The following RBL2 variants were observed in gnomAD, a reference collection of about 807,000 sequenced individuals.
RBL2 encodes the protein RB transcriptional corepressor like 2.
RBL2 carries 56 observed loss-of-function variants against 126.0 expected under a neutral mutation model. That is an observed-to-expected ratio of 0.44 (90% CI 0.36 to 0.56). The LOEUF (loss-of-function observed/expected upper bound fraction) is 0.56, where lower values mean the gene tolerates loss of function less well. Among genes scored for constraint, RBL2 ranks in the 20% least tolerant of loss-of-function variants. The pLI, the probability that RBL2 is intolerant of heterozygous loss-of-function variation, is 0.00. For missense variants in RBL2, 1,229 were observed against 1,398.2 expected (o/e 0.88, Z 1.93); for synonymous variants, 454 against 478.5 (o/e 0.95, Z 0.67).
chr16:53,479,247 G>C, intron 18 of RBL2, 22 bp downstream of exon 18: 2 of 1,594,006 alleles, frequency 1.3e-6, no homozygotes, highest in South Asian at 2.2e-5. Flanking sequence ...TTCTCTATGG[G>C]CTGAAAAATA....
chr16:53,460,222 T>C (rs920807306), intron 9 of RBL2, among the ~76,000 whole-genome samples: 1 of 152,210 alleles, frequency 6.6e-6, no homozygotes, highest in East Asian at 1.9e-4. Flanking sequence ...TTTGGCAAGT[T>C]GATTTGAAAA....
chr16:53,434,472 G>A lies in RBL2; in HGVS notation c.-85G>A, dbSNP rs2057932918. The A allele has an allele frequency of 7.7e-7, 1 of 1,291,052 alleles. No individual in the cohort carries two copies. The highest frequency in any genetic ancestry group is 9.9e-7 in the Non-Finnish European group (1 of 1,013,396). 80.0% of individuals were successfully genotyped at this position (1,291,052 alleles called of 1,614,324 possible). A position where few individuals can be genotyped will look rare whatever the true frequency, so the allele number is the denominator to read the frequency against. Reference sequence around the variant, plus strand: ...CGGCGGCGCAGGCGCGGTGCGGGCGGCGGACGGGCGGGCGCTTCGCCGTTT... The same window carrying A: ...CGGCGGCGCAGGCGCGGTGCGGGCGACGGACGGGCGGGCGCTTCGCCGTTT... On this transcript the variant is annotated 5_prime_UTR_variant, in exon 1 of 22. Coordinates refer to ENST00000262133, the MANE Select transcript of RBL2 (RefSeq NM_005611.4).
Position 53,461,817 on chromosome 16 carries a change from C to T in RBL2, c.1423C>T (p.Gln475Ter). 1 of 1,612,376 alleles carries T rather than the reference C, an allele frequency of 6.2e-7. No individual in the cohort carries two copies. Among genetic ancestry groups the T allele is most frequent in the Non-Finnish European group, 8.5e-7 (1 of 1,179,096 alleles). The change falls in exon 10 of 22, where the codon CAG becomes TAG. Residue 475 changes from glutamine (Q) to a stop codon, truncating the protein, a stop_gained. Coordinates refer to ENST00000262133, the MANE Select transcript of RBL2 (RefSeq NM_005611.4). LOFTEE classifies it high-confidence loss of function. ...EMFEIYSQHF[Q>*]PDEDFSNCAK... is the part of the protein sequence containing the mutation. ...GTTTGAAATATATTCTCAGCATTTC[C>T]AGCCAGACGAGGATTTCAGTAATTG... is the stretch of plus-strand genomic sequence containing the variant.
At chr16:53,458,930 C>G (rs929195089) in intron 8 of RBL2, among the ~76,000 whole-genome samples, 1 of 152,106 alleles carries the variant, frequency 6.6e-6, no homozygotes, top group Non-Finnish European at 1.5e-5. Flanking sequence ...GTTGAGGCTT[C>G]GATGCAGACA....
intron 8 of RBL2, among the ~76,000 whole-genome samples, chr16:53,457,712 G>A (rs1178795758): frequency 3.3e-5 from 5 of 152,286 alleles, no homozygotes; most frequent in African/African-American, 1.2e-4. Context: ...TTAAGATACC[G>A]ACTTAATATT....
At position 53,470,719 on chromosome 16, in the gene RBL2, A is replaced by T. The variant is rs369330555; in HGVS notation, c.2527-27A>T. On this transcript the variant is annotated intron_variant, in intron 16 of 21. Coordinates refer to ENST00000262133, the MANE Select transcript of RBL2 (RefSeq NM_005611.4). The stretch of plus-strand genomic sequence containing the variant: ...AGCTTGGGAAATACAAGTGTTAAAC[A>T]AAGTTTGAAATGTTTTTATCTCCTA... 1.9e-6 allele frequency: 3 copies of T among 1,612,422 alleles called. No homozygotes were observed. The African/African-American group carries it at 4.0e-5, about 22-fold the overall frequency.
rs754558801 is a variant in RBL2 at position 53,480,767 on chromosome 16, A to G, written c.3082A>G (p.Asn1028Asp). Residue 1028 changes from asparagine to aspartate, a missense_variant and splice_region_variant, in exon 20 of 22, where the codon AAT becomes GAT. Asn to Asp is a conservative substitution (Grantham distance 23). Around this residue, in one of 2 missense-constraint regions of RBL2, gnomAD observed 1,070 missense variants for 1,274.3 expected, o/e 0.84. Transcript: ENST00000262133. The part of the protein sequence containing the change: ...KTFAMKYSQA[N>D]MDAPPLSPYP... ...ATTTGCCATGAAGTACTCACAGGCA[A>G]ATGTAAGTATGACAGGGATTATTTC... The G allele has an allele frequency of 4.3e-6, 7 of 1,609,884 alleles. No homozygotes were observed. Among genetic ancestry groups the G allele is most frequent in the Non-Finnish European group, 5.9e-6 (7 of 1,177,596 alleles).
intron 2 of RBL2, 85 bp downstream of exon 2, chr16:53,439,231 C>T (rs2153137660): frequency 1.6e-6 from 2 of 1,248,984 alleles, no homozygotes; most frequent in Middle Eastern, 2.3e-4. Context: ...CTCTGTTTAT[C>T]ATTTTCTGAG....
At chr16:53,436,789 G>A (rs74964272) in intron 1 of RBL2, among the ~76,000 whole-genome samples, 1,902 of 152,308 alleles carry the variant, frequency 0.012, 47 homozygotes, top group African/African-American at 0.044. Flanking sequence ...CTGTATGGCA[G>A]AGCCGGAATT....
At chr16:53,454,426 A>G in intron 7 of RBL2, 1 of 455,692 alleles carries the variant, frequency 2.2e-6, no homozygotes, top group East Asian at 4.5e-5. Flanking sequence ...GCTGGTCTCA[A>G]ACTCCTGACT....
intron 13 of RBL2, among the ~76,000 whole-genome samples, chr16:53,466,429 A>G (rs1271489662): frequency 6.6e-6 from 1 of 152,050 alleles, no homozygotes; most frequent in Non-Finnish European, 1.5e-5. Context: ...ACGTGGTAAT[A>G]TATAATGAAA....
At chr16:53,454,454 C>G in intron 7 of RBL2, 1 of 513,670 alleles carries the variant, frequency 1.9e-6, no homozygotes. Context: ...CCACCTGCCT[C>G]AGCCTCCCAA....
At chr16:53,444,987 T>G (rs1368981999) in intron 3 of RBL2, among the ~76,000 whole-genome samples, 1 of 152,202 alleles carries the variant, frequency 6.6e-6, no homozygotes, top group Non-Finnish European at 1.5e-5. Context: ...AGATTGCACT[T>G]GTTTTGCTAT....
chr16:53,459,361 C>T lies in RBL2; in HGVS notation c.1180-90C>T. 5 of 1,044,406 alleles carry T rather than the reference C, an allele frequency of 4.8e-6. No individual in the cohort carries two copies. In the South Asian group the frequency reaches 5.9e-5, roughly 12 times the overall value. 64.7% of individuals were successfully genotyped at this position (1,044,406 alleles called of 1,614,324 possible). A position where few individuals can be genotyped will look rare whatever the true frequency, so the allele number is the denominator to read the frequency against. On this transcript the variant is annotated intron_variant, in intron 8 of 21. Transcript: ENST00000262133. ...ATAAAGTCTTACTGGCTTGAAGTCCCATTTGTGAAGTGAATTAAAGTCTTT... is the reference window on the plus strand; with the variant it reads ...ATAAAGTCTTACTGGCTTGAAGTCCTATTTGTGAAGTGAATTAAAGTCTTT...
In RBL2 at chr16:53,465,513, CAGATCTT is replaced by C; in HGVS notation, c.1780_1786del (p.Leu594IlefsTer46). On this transcript the variant is annotated frameshift_variant, in exon 13 of 22. Transcript: ENST00000262133. LOFTEE classifies it high-confidence loss of function. Reference sequence around the variant, plus strand: ...AAAACACCTTAATCAGATTGAAGAACAGATCTTAGATCATTTGGCATGGAAACCAGAG... The same window carrying C: ...AAAACACCTTAATCAGATTGAAGAACAGATCATTTGGCATGGAAACCAGAG... The C allele has an allele frequency of 6.2e-7, 1 of 1,606,068 alleles. No homozygotes were observed. Among genetic ancestry groups the C allele is most frequent in the Non-Finnish European group, 8.5e-7 (1 of 1,176,470 alleles).
intron 2 of RBL2, 42 bp from the exon 3 acceptor site, chr16:53,442,616 C>T (rs1039659187): frequency 7.0e-7 from 1 of 1,435,144 alleles, no homozygotes; most frequent in Non-Finnish European, 9.7e-7. Context: ...ATACTTTAGC[C>T]TTATGTTAAT....
chr16:53,469,957 C>G lies in RBL2; in HGVS notation c.2017C>G (p.Pro673Ala). Residue 673 changes from proline (P) to alanine (A), a missense_variant, in exon 15 of 22, where the codon CCA becomes GCA. Pro to Ala is a conservative substitution (Grantham distance 27). Around this residue, in one of 2 missense-constraint regions of RBL2, gnomAD observed 1,070 missense variants for 1,274.3 expected, o/e 0.84. Transcript: ENST00000262133. ...CACATTATACGATAGGTACAGCTCC[C>G]CACCAGCCAGCACTACCAGAAGGCG... ...PTTLYDRYSS[P>A]PASTTRRRLF... 5 of 1,611,414 alleles carry G rather than the reference C, an allele frequency of 3.1e-6. No individual in the cohort carries two copies. The highest frequency in any genetic ancestry group is 4.2e-6 in the Non-Finnish European group (5 of 1,178,282).
In RBL2 at chr16:53,442,814, C is replaced by A. The variant is rs775645148; in HGVS notation, c.528C>A (p.Tyr176Ter). The A allele has an allele frequency of 6.2e-7, 1 of 1,612,846 alleles. No homozygotes were observed. The highest frequency in any genetic ancestry group is 8.5e-7 in the Non-Finnish European group (1 of 1,179,376). ...CCATTTTTCAGGACATCTTTAAATA[C>A]CCTCAAGAGGAGCAACCTCGTCAGC... ...YEPIFQDIFK[Y>*]PQEEQPRQQR... Residue 176 changes from tyrosine to a stop codon, truncating the protein, a stop_gained, in exon 3 of 22, where the codon TAC becomes TAA. Transcript: ENST00000262133. LOFTEE classifies it high-confidence loss of function.
rs112708377 is a variant in RBL2 at position 53,442,664 on chromosome 16, C to T, written c.378C>T (p.Ile126=). ...TGTTTGTCTTTAATACCAGCTTAAT[C>T]GAATTTTTTAATAAGATGAAGAAGT... ...RILKCSEQSL[I]EFFNKMKKWE... Residue 126 remains isoleucine, a synonymous_variant, in exon 3 of 22, where the codon ATC becomes ATT. Coordinates refer to ENST00000262133, the MANE Select transcript of RBL2 (RefSeq NM_005611.4). 2.0e-5 allele frequency: 32 copies of T among 1,610,458 alleles called. No homozygotes were observed. The highest frequency in any genetic ancestry group is 5.3e-5 in the African/African-American group (4 of 74,798).
Sources: allele counts gnomAD v4.1 joint callset (sites outside exome capture counted in the v4.1 genomes callset), GRCh38; gene constraint gnomAD v4.1.1; regional missense constraint gnomAD v4.1.1; transcripts MANE v1.5; gene names NCBI Gene and HGNC (gene_info 2026-07-23, HGNC 2026-07-21).